PIGU: variants seen among roughly 807,000 people sequenced by gnomAD.
PIGU encodes GPI-anchor transamidase component PIGU.
In PIGU, 24 loss-of-function variants were observed where a neutral mutation model predicts 49.9. That is an observed-to-expected ratio of 0.48 (90% CI 0.35 to 0.68). The LOEUF is 0.68. Among genes scored for constraint, PIGU ranks in the 30% least tolerant of loss-of-function variants. The pLI, the probability that PIGU is intolerant of heterozygous loss-of-function variation, is 0.01. For synonymous variants in PIGU, 220 were observed against 205.7 expected (o/e 1.07, Z -0.59); for missense variants, 490 against 532.6 (o/e 0.92, Z 0.79).
rs1026406269 is a variant in PIGU, at chr20:34,560,748, C to T, written c.*118G>A. On this transcript the variant is annotated 3_prime_UTR_variant, in exon 12 of 12. Transcript: ENST00000217446. ...CTTTTGGTACCAGAGACTTGTGACC[C>T]TGGACTCGAACCTCTTCTGCCCAAG... is the stretch of plus-strand genomic sequence containing the variant. The T allele has an allele frequency of 2.9e-6, 2 of 684,344 alleles. No homozygotes were observed. The highest frequency in any genetic ancestry group is 3.2e-5 in the East Asian group (1 of 31,168). The allele number at this position is 684,344 out of a possible 1,614,324, so 42.4% of individuals were successfully genotyped here.
At chr20:34,593,232 G>A (rs565573747) in intron 7 of PIGU, among the ~76,000 whole-genome samples, 36 of 152,094 alleles carry the variant, frequency 2.4e-4, no homozygotes, top group African/African-American at 8.7e-4. Flanking sequence ...AGCTACTCCA[G>A]AGGCTGAAGT....
At chr20:34,598,073 T>C (rs969462407) in intron 7 of PIGU, among the ~76,000 whole-genome samples, 40 of 152,106 alleles carry the variant, frequency 2.6e-4, no homozygotes, top group African/African-American at 9.6e-4. Flanking sequence ...TAATAACAAA[T>C]TCAGGGTAGT....
intron 9 of PIGU, 35 bp from the exon 10 acceptor site, chr20:34,581,707 A>T (rs1024638508): frequency 6.2e-7 from 1 of 1,607,328 alleles, no homozygotes; most frequent in African/African-American, 1.3e-5. Flanking sequence ...GAGAGAGATG[A>T]GTCAGGGACC....
At chr20:34,607,675 G>A (rs1440217283) in intron 7 of PIGU, among the ~76,000 whole-genome samples, 2 of 152,216 alleles carry the variant, frequency 1.3e-5, no homozygotes, top group African/African-American at 4.8e-5. Flanking sequence ...AAATGCTTAA[G>A]CCATCAGAGG....
At chr20:34,613,576 C>A (rs969346176) in intron 7 of PIGU, among the ~76,000 whole-genome samples, 3 of 152,118 alleles carry the variant, frequency 2.0e-5, no homozygotes, top group African/African-American at 7.2e-5. Context: ...TCTGGTCCAT[C>A]CATGTGTATG....
chr20:34,613,063 G>A (rs1984880979), intron 7 of PIGU, among the ~76,000 whole-genome samples: 1 of 151,914 alleles, frequency 6.6e-6, no homozygotes, highest in South Asian at 2.1e-4. Context: ...AACTCCTTCC[G>A]CTCCTGTCCC....
intron 2 of PIGU, among the ~76,000 whole-genome samples, chr20:34,652,282 G>C (rs747962385): frequency 5.3e-5 from 8 of 152,132 alleles, no homozygotes; most frequent in Non-Finnish European, 1.2e-4. Context: ...TAGGATTACA[G>C]ACATGAGCCA....
At chr20:34,587,854 C>A (rs1327207422) in intron 8 of PIGU, among the ~76,000 whole-genome samples, 2 of 152,176 alleles carry the variant, frequency 1.3e-5, no homozygotes, top group Admixed American at 6.5e-5. Context: ...GAATAGTATT[C>A]CCCTGTGTAT....
At chr20:34,664,412 C>A (rs186263620) in intron 1 of PIGU, among the ~76,000 whole-genome samples, 1,676 of 152,332 alleles carry the variant, frequency 0.011, 40 homozygotes, top group African/African-American at 0.039. Flanking sequence ...CAATATTAAA[C>A]AGTTGACCGG....
At chr20:34,657,579 A>C (rs1347780649) in intron 1 of PIGU, among the ~76,000 whole-genome samples, 1 of 152,182 alleles carries the variant, frequency 6.6e-6, no homozygotes. Flanking sequence ...AACAAATTAG[A>C]AGCTGGTGAG....
At chr20:34,659,317 C>T (rs1297312307) in intron 1 of PIGU, among the ~76,000 whole-genome samples, 2 of 143,248 alleles carry the variant, frequency 1.4e-5, no homozygotes, top group South Asian at 2.2e-4. Flanking sequence ...GTCAGCCCCC[C>T]GCCCGGCCAG....
chr20:34,571,625 G>A (rs145148890), intron 11 of PIGU, among the ~76,000 whole-genome samples: 139 of 152,214 alleles, frequency 9.1e-4, no homozygotes, highest in African/African-American at 3.0e-3. Flanking sequence ...CCCAAATCCC[G>A]TACGTCTCGA....
At chr20:34,638,087 C>CT in intron 4 of PIGU, 102 bp from the exon 5 acceptor site, 1 of 1,436,200 alleles carries the variant, frequency 7.0e-7, no homozygotes, top group East Asian at 2.6e-5. Context: ...CCACATGGCC[C>CT]TGCCTGGTCT....
intron 7 of PIGU, among the ~76,000 whole-genome samples, chr20:34,608,534 GT>G (rs1476421211): frequency 6.6e-6 from 1 of 151,502 alleles, no homozygotes; most frequent in African/African-American, 2.4e-5. Flanking sequence ...GCTTTTTTTT[GT>G]TGTTGTAACA....
chr20:34,591,287 T>C (rs1983971674), intron 7 of PIGU, among the ~76,000 whole-genome samples: 1 of 152,104 alleles, frequency 6.6e-6, no homozygotes. Flanking sequence ...AAAACAAAAG[T>C]GGATTAAGCT....
chr20:34,612,595 G>A (rs536218335), intron 7 of PIGU, among the ~76,000 whole-genome samples: 2 of 150,954 alleles, frequency 1.3e-5, no homozygotes, highest in Non-Finnish European at 3.0e-5. Context: ...ACCAAGTCTC[G>A]GGCAGTTCTT....
At chr20:34,633,406 G>A (rs117604113) in intron 6 of PIGU, among the ~76,000 whole-genome samples, 2,718 of 152,166 alleles carry the variant, frequency 0.018, 35 homozygotes, top group Non-Finnish European at 0.029. Context: ...CAAGGCTTCC[G>A]TGAGCCATGA....
Position 34,585,510 on chromosome 20 carries a change from A to C in PIGU, c.853T>G (p.Phe285Val), listed in dbSNP as rs1983664055. Residue 285 changes from phenylalanine (F) to valine (V), a missense_variant, in exon 9 of 12, where the codon TTC (phenylalanine) becomes GTC (valine). Phe to Val is a conservative substitution (Grantham distance 50). Transcript: ENST00000217446. ...WYFFAEMFEHFSLFFVCVFQI... is the reference protein window; with the variant it reads ...WYFFAEMFEHVSLFFVCVFQI... ...AACACACATACAAAGAAGAGGCTGA[A>C]GTGCTCAAACATCTCTGCAAAGAAG... 1 of 1,613,362 alleles carries C rather than the reference A, an allele frequency of 6.2e-7. No individual in the cohort carries two copies. The highest frequency in any genetic ancestry group is 8.5e-7 in the Non-Finnish European group (1 of 1,179,224).
chr20:34,581,566 A>C lies in PIGU; in HGVS notation c.1033T>G (p.Trp345Gly), dbSNP rs753336143. 1.2e-6 allele frequency: 2 copies of C among 1,613,542 alleles called. No homozygotes were observed. Among genetic ancestry groups the C allele is most frequent in the Non-Finnish European group, 1.7e-6 (2 of 1,179,838 alleles). Residue 345 changes from tryptophan to glycine, a missense_variant, in exon 10 of 12, where the codon TGG (tryptophan) becomes GGG (glycine). Transcript: ENST00000217446. ...VALYMAFFPV[W>G]NHLYRFLRNI... ...TACTCACATCTGTAGAGATGGTTCC[A>C]CACGGGGAAGAAGGCCATGTAGAGC...
Sources: allele counts gnomAD v4.1 joint callset (sites outside exome capture counted in the v4.1 genomes callset), GRCh38; gene constraint gnomAD v4.1.1; transcripts MANE v1.5; gene names NCBI Gene and HGNC (gene_info 2026-07-23, HGNC 2026-07-21).